The following HAO1 variants were observed in gnomAD, a reference collection of about 807,000 sequenced individuals.
The protein encoded by HAO1 is 2-Hydroxyacid oxidase 1.
A neutral mutation model predicts 39.7 loss-of-function variants in HAO1; 34 were observed. The ratio of observed to expected loss-of-function variants is 0.86; its 90% CI spans 0.65 to 1.14. The LOEUF (loss-of-function observed/expected upper bound fraction) is 1.14, where lower values mean the gene tolerates loss of function less well. Among genes scored for constraint, HAO1 ranks in the 50% most tolerant of loss-of-function variants. The probability of loss-of-function intolerance (pLI) is 0.00; values close to 1 mark genes in which losing one functional copy is unlikely to be tolerated. For synonymous variants in HAO1, 172 were observed against 173.2 expected (o/e 0.99, Z 0.05); for missense variants, 479 against 464.5 (o/e 1.03, Z -0.29).
At chr20:7,909,833 C>A (rs1223876731) in intron 3 of HAO1, among the ~76,000 whole-genome samples, 1 of 151,956 alleles carries the variant, frequency 6.6e-6, no homozygotes, top group Non-Finnish European at 1.5e-5. Flanking sequence ...AGCATCAACA[C>A]AATATGAAAA....
intron 3 of HAO1, among the ~76,000 whole-genome samples, chr20:7,912,139 G>A (rs552694230): frequency 1.3e-5 from 2 of 152,164 alleles, no homozygotes; most frequent in Non-Finnish European, 2.9e-5. Flanking sequence ...GACAAGCTAG[G>A]AAGCCGCAGC....
chr20:7,899,628 G>A (rs935337326), intron 4 of HAO1, among the ~76,000 whole-genome samples: 6 of 152,094 alleles, frequency 3.9e-5, no homozygotes, highest in African/African-American at 1.4e-4. Flanking sequence ...TCAGAGGATA[G>A]GATTGTGAAT....
intron 2 of HAO1, among the ~76,000 whole-genome samples, chr20:7,928,581 A>G (rs2050371503): frequency 6.6e-6 from 1 of 151,466 alleles, no homozygotes; most frequent in African/African-American, 2.4e-5. Flanking sequence ...GCTCATGCTC[A>G]GTATCACACC....
At chr20:7,891,663 T>G (rs1177112574) in intron 5 of HAO1, among the ~76,000 whole-genome samples, 3 of 152,200 alleles carry the variant, frequency 2.0e-5, no homozygotes, top group Non-Finnish European at 4.4e-5. Flanking sequence ...TACAGAATTT[T>G]TATAGCTTCA....
chr20:7,897,114 C>A (rs754057287), intron 4 of HAO1, among the ~76,000 whole-genome samples: 4 of 152,164 alleles, frequency 2.6e-5, no homozygotes, highest in Non-Finnish European at 5.9e-5. Flanking sequence ...AGTGGAAAAA[C>A]CATTTTCCTC....
intron 2 of HAO1, among the ~76,000 whole-genome samples, chr20:7,928,245 T>C (rs776626960): frequency 3.3e-5 from 5 of 152,180 alleles, no homozygotes; most frequent in Admixed American, 1.3e-4. Flanking sequence ...AAGGCTGACA[T>C]AGTGCAGTCG....
At chr20:7,910,562 C>G (rs2050274553) in intron 3 of HAO1, among the ~76,000 whole-genome samples, 1 of 152,096 alleles carries the variant, frequency 6.6e-6, no homozygotes, top group Non-Finnish European at 1.5e-5. Flanking sequence ...TGGTTCCTGA[C>G]CACATCATTC....
intron 4 of HAO1, among the ~76,000 whole-genome samples, chr20:7,903,379 A>G (rs574557886): frequency 5.9e-4 from 90 of 151,538 alleles, no homozygotes; most frequent in Non-Finnish European, 1.1e-3. Flanking sequence ...GCTATCTACT[A>G]TGTGTAAAAT....
At chr20:7,892,250 T>C (rs1417765799) in intron 5 of HAO1, among the ~76,000 whole-genome samples, 1 of 152,106 alleles carries the variant, frequency 6.6e-6, no homozygotes, top group Non-Finnish European at 1.5e-5. Flanking sequence ...CATGCCCAGC[T>C]AATTTTTGCA....
At chr20:7,935,966 A>G (rs944701427) in intron 1 of HAO1, among the ~76,000 whole-genome samples, 1 of 144,048 alleles carries the variant, frequency 6.9e-6, no homozygotes, top group Non-Finnish European at 1.6e-5. Flanking sequence ...ACTTTTTAGT[A>G]AATATAGTGA....
chr20:7,906,184 A>G lies in HAO1; in HGVS notation c.691T>C (p.Leu231=), dbSNP rs775581760. 1.9e-6 allele frequency: 3 copies of G among 1,613,280 alleles called. No homozygotes were observed. The highest frequency in any genetic ancestry group is 2.2e-5 in the East Asian group (1 of 44,856). The change falls in exon 4 of 8, where the codon TTG becomes CTG. Residue 231 remains leucine, a synonymous_variant. Coordinates refer to ENST00000378789, the MANE Select transcript of HAO1 (RefSeq NM_017545.3). The stretch of plus-strand genomic sequence containing the variant: ...AAAATGCCCTTTGCAACAATTGGCA[A>G]TGATGTCAGTCTTCTCAGCCATTTG... ...DIKWLRRLTS[L]PIVAKGILRG...
chr20:7,903,393 A>T (rs543495344), intron 4 of HAO1, among the ~76,000 whole-genome samples: 1 of 152,070 alleles, frequency 6.6e-6, no homozygotes, highest in South Asian at 2.1e-4. Context: ...GTAAAATGTC[A>T]CAAAAATATT....
intron 3 of HAO1, among the ~76,000 whole-genome samples, chr20:7,909,062 T>G (rs563958781): frequency 6.5e-4 from 99 of 152,112 alleles, no homozygotes; most frequent in African/African-American, 2.2e-3. Context: ...CAAGCTCCAG[T>G]GTTTCAGCAG....
chr20:7,936,713 A>G (rs2050414025), intron 1 of HAO1, among the ~76,000 whole-genome samples: 1 of 152,090 alleles, frequency 6.6e-6, no homozygotes, highest in Non-Finnish European at 1.5e-5. Flanking sequence ...TCCCTTAAAC[A>G]GTATTTTCTG....
intron 1 of HAO1, among the ~76,000 whole-genome samples, chr20:7,935,935 T>C (rs960055488): frequency 2.6e-5 from 4 of 152,128 alleles, no homozygotes. Flanking sequence ...TAGATGTAAC[T>C]CTACTTCCAG....
chr20:7,910,190 TA>T (rs1203394650), intron 3 of HAO1, among the ~76,000 whole-genome samples: 1 of 152,078 alleles, frequency 6.6e-6, no homozygotes, highest in East Asian at 1.9e-4. Context: ...GCATAATCAA[TA>T]AATTACAAAG....
In HAO1 at chr20:7,914,225, G is replaced by A; in HGVS notation, c.484C>T (p.Pro162Ser). 1.2e-6 allele frequency: 2 copies of A among 1,614,034 alleles called. No homozygotes were observed. The highest frequency in any genetic ancestry group is 1.7e-6 in the Non-Finnish European group (2 of 1,179,932). Reference sequence around the variant, plus strand: ...TCATCCAGACGGTTGCCCAGGTAAGGTGTGTCCACTGTCACAAATATGGCC... The same window carrying A: ...TCATCCAGACGGTTGCCCAGGTAAGATGTGTCCACTGTCACAAATATGGCC... ...YKAIFVTVDT[P>S]YLGNRLDDVR... Residue 162 changes from proline to serine, a missense_variant, in exon 3 of 8, where the codon CCT (proline) becomes TCT (serine). Pro to Ser is a moderately conservative substitution (Grantham distance 74). Coordinates refer to ENST00000378789, the MANE Select transcript of HAO1 (RefSeq NM_017545.3).
At chr20:7,905,535 A>T (rs1319817287) in intron 4 of HAO1, among the ~76,000 whole-genome samples, 1 of 152,206 alleles carries the variant, frequency 6.6e-6, no homozygotes, top group Non-Finnish European at 1.5e-5. Flanking sequence ...ACACATTTAC[A>T]CTCCAAAATT....
Position 7,914,227 on chromosome 20 carries a change from G to A in HAO1, c.482C>T (p.Thr161Ile), listed in dbSNP as rs774551783. The A allele has an allele frequency of 1.2e-6, 2 of 1,613,922 alleles. No homozygotes were observed. The highest frequency in any genetic ancestry group is 1.7e-6 in the Non-Finnish European group (2 of 1,179,958). Residue 161 changes from threonine (T) to isoleucine (I), a missense_variant, in exon 3 of 8, where the codon ACA (threonine) becomes ATA (isoleucine). Physicochemically the swap from Thr to Ile is moderately conservative, Grantham distance 89 (BLOSUM62 -1). Coordinates refer to ENST00000378789, the MANE Select transcript of HAO1 (RefSeq NM_017545.3). ...GYKAIFVTVD[T>I]PYLGNRLDDV... Reference sequence around the variant, plus strand: ...ATCCAGACGGTTGCCCAGGTAAGGTGTGTCCACTGTCACAAATATGGCCTT... The same window carrying A: ...ATCCAGACGGTTGCCCAGGTAAGGTATGTCCACTGTCACAAATATGGCCTT...
Sources: allele counts gnomAD v4.1 joint callset (sites outside exome capture counted in the v4.1 genomes callset), GRCh38; gene constraint gnomAD v4.1.1; transcripts MANE v1.5; gene names NCBI Gene and HGNC (gene_info 2026-07-23, HGNC 2026-07-21).